The following HPN variants were observed in gnomAD, a reference collection of about 807,000 sequenced individuals.
The protein encoded by HPN is serine protease hepsin.
HPN carries 13 observed loss-of-function variants against 55.9 expected under a neutral mutation model. The observed-to-expected ratio is 0.23, with a 90% CI of 0.15 to 0.37. The LOEUF (loss-of-function observed/expected upper bound fraction) is 0.37. Among genes scored for constraint, HPN ranks in the 10% least tolerant of loss-of-function variants. The pLI, the probability that HPN is intolerant of heterozygous loss-of-function variation, is 1.00. For missense variants in HPN, 451 were observed against 575.8 expected, an observed-to-expected ratio of 0.78 and a Z score of 2.22; for synonymous variants, 225 against 240.3, an observed-to-expected ratio of 0.94 and a Z score of 0.59.
chr19:35,052,248 C>T (rs928283938), intron 4 of HPN, among the ~76,000 whole-genome samples: 4 of 151,932 alleles, frequency 2.6e-5, no homozygotes, highest in Admixed American at 6.6e-5. Flanking sequence ...AGTACTTGGG[C>T]GGGGTGCGGT....
At chr19:35,060,576 G>C in intron 8 of HPN, 51 bp from the exon 9 acceptor site, 3 of 1,612,096 alleles carry the variant, frequency 1.9e-6, no homozygotes, top group Non-Finnish European at 2.5e-6. Flanking sequence ...GTGGGGAGGA[G>C]GGCGGATTGT....
rs776528356 is a variant in HPN at position 35,065,239 on chromosome 19, C to G, written c.812-11C>G. On this transcript the variant is annotated splice_polypyrimidine_tract_variant and intron_variant, in intron 9 of 12. Transcript: ENST00000672452. ...CCAGCGGGGGCTGGACCAGCATTGT[C>G]TCTCTCACAGAATACATCCAGCCTG... The G allele has an allele frequency of 6.2e-7, 1 of 1,604,192 alleles. No homozygotes were observed. Among genetic ancestry groups the G allele is most frequent in the Non-Finnish European group, 8.5e-7 (1 of 1,172,846 alleles).
chr19:35,040,750 G>GAGGGA (rs2064284964), upstream of HPN, among the ~76,000 whole-genome samples: 1 of 152,204 alleles, frequency 6.6e-6, no homozygotes. Flanking sequence ...GGGAGAAGGA[G>GAGGGA]AGGGAAGGAG....
chr19:35,047,456 C>T (rs1008663885), intron 2 of HPN, among the ~76,000 whole-genome samples: 2 of 152,212 alleles, frequency 1.3e-5, no homozygotes, highest in African/African-American at 4.8e-5. Flanking sequence ...AGAAGCCCAC[C>T]TGCTGCCCCA....
chr19:35,062,528 T>A (rs1311480889), intron 9 of HPN, among the ~76,000 whole-genome samples: 1 of 152,172 alleles, frequency 6.6e-6, no homozygotes, highest in Non-Finnish European at 1.5e-5. Context: ...AACATGTCCT[T>A]AACACCTCTC....
chr19:35,047,731 C>T (rs1229973767), intron 2 of HPN, among the ~76,000 whole-genome samples: 3 of 152,014 alleles, frequency 2.0e-5, no homozygotes, highest in Non-Finnish European at 4.4e-5. Context: ...CGGTGGCTCA[C>T]GCCTGCAATT....
chr19:35,056,040 C>G (rs71352904), intron 4 of HPN, among the ~76,000 whole-genome samples: 2 of 152,216 alleles, frequency 1.3e-5, no homozygotes, highest in Non-Finnish European at 1.5e-5. Flanking sequence ...GCACTCCCCC[C>G]AGTCCCCCAC....
chr19:35,044,013 C>T (rs968740427), intron 2 of HPN, among the ~76,000 whole-genome samples: 1 of 152,206 alleles, frequency 6.6e-6, no homozygotes, highest in Non-Finnish European at 1.5e-5. Flanking sequence ...TGAAGGGTTC[C>T]GATTCTGCAC....
At chr19:35,048,082 A>AAGAAAGAAAG (rs111546288) in intron 2 of HPN, among the ~76,000 whole-genome samples, 1 of 96,984 alleles carries the variant, frequency 1.0e-5, no homozygotes, top group African/African-American at 4.0e-5. Context: ...GAAAGAAAGA[A>AAGAAAGAAAG]AAGGAAGGAA....
intron 2 of HPN, among the ~76,000 whole-genome samples, chr19:35,046,064 G>A (rs1216664827): frequency 6.6e-6 from 1 of 152,152 alleles, no homozygotes; most frequent in Non-Finnish European, 1.5e-5. Flanking sequence ...TGGCTGTCGG[G>A]AGCCAAGACC....
chr19:35,043,955 C>T (rs1219724750), intron 2 of HPN, among the ~76,000 whole-genome samples: 1 of 152,210 alleles, frequency 6.6e-6, no homozygotes, highest in Non-Finnish European at 1.5e-5. Flanking sequence ...GGAGGGGAGT[C>T]CTGCTGTCAG....
chr19:35,042,256 T>A, intron 1 of HPN, 197 bp from the exon 2 acceptor site: 1 of 1,338,990 alleles, frequency 7.5e-7, no homozygotes, highest in Non-Finnish European at 9.6e-7. Context: ...TCCCTGCAAA[T>A]CCAGGCGTCC....
intron 4 of HPN, among the ~76,000 whole-genome samples, chr19:35,058,840 T>G (rs2064488865): frequency 6.6e-6 from 1 of 151,898 alleles, no homozygotes; most frequent in Admixed American, 6.6e-5. Context: ...ACAAACATAC[T>G]AATAAAGAGC....
In HPN at chr19:35,065,869, G is replaced by T; in HGVS notation, c.1052G>T (p.Gly351Val). Residue 351 changes from glycine (G) to valine (V), a missense_variant and splice_region_variant, in exon 12 of 13, where the codon GGC becomes GTC. Gly to Val is a moderately radical substitution (Grantham distance 109, BLOSUM62 -3). Coordinates refer to ENST00000672452, the MANE Select transcript of HPN (RefSeq NM_001384133.1). ...CCAGACCTCCCTCTCCCCTCCCAGG[G>T]CGACAGCGGTGGTCCCTTTGTGTGT... Reference protein sequence around the residue: ...YPEGGIDACQGDSGGPFVCED... With the variant: ...YPEGGIDACQVDSGGPFVCED... The T allele has an allele frequency of 6.2e-7, 1 of 1,613,872 alleles. No individual in the cohort carries two copies.
At chr19:35,042,875 G>A (rs955073569) in intron 2 of HPN, among the ~76,000 whole-genome samples, 3 of 152,162 alleles carry the variant, frequency 2.0e-5, no homozygotes, top group African/African-American at 7.2e-5. Flanking sequence ...GAAACACACA[G>A]GCTTGCATTT....
chr19:35,054,774 G>A (rs1004712706), intron 4 of HPN, among the ~76,000 whole-genome samples: 4 of 152,240 alleles, frequency 2.6e-5, no homozygotes, highest in East Asian at 3.9e-4. Flanking sequence ...GGTGTGCGAC[G>A]AGGCCTTGGT....
intron 1 of HPN, 124 bp downstream of exon 1, chr19:35,041,996 T>C: frequency 8.5e-7 from 1 of 1,177,484 alleles, no homozygotes; most frequent in Non-Finnish European, 1.1e-6. Flanking sequence ...GAGGGGGCAC[T>C]ATGACGTCCC....
upstream of HPN, chr19:35,041,686 C>CCT: frequency 6.5e-6 from 7 of 1,080,952 alleles, no homozygotes; most frequent in South Asian, 5.3e-5. Context: ...CTCCCCGCCC[C>CCT]TTCACCCGCC....
At chr19:35,047,107 C>T (rs536200863) in intron 2 of HPN, among the ~76,000 whole-genome samples, 5 of 152,176 alleles carry the variant, frequency 3.3e-5, no homozygotes, top group African/African-American at 4.8e-5. Flanking sequence ...GGATTACAGG[C>T]GTGAGCCACC....
Sources: gnomAD v4.1 joint callset for allele counts (sites outside exome capture counted in the v4.1 genomes callset) on GRCh38, gnomAD v4.1.1 for gene constraint, MANE v1.5 for transcripts, NCBI Gene and HGNC (gene_info 2026-07-23, HGNC 2026-07-21) for gene names.